The following PAFAH1B2 variants were observed in gnomAD, a reference collection of about 807,000 sequenced individuals.
The protein encoded by PAFAH1B2 is platelet activating factor acetylhydrolase 1b catalytic subunit 2, also known as platelet-activating factor acetylhydrolase IB subunit alpha2.
PAFAH1B2 carries 8 observed loss-of-function variants against 28.0 expected under a neutral mutation model. That is an observed-to-expected ratio of 0.29 (90% CI 0.17 to 0.52). The LOEUF is 0.52. Ranked by LOEUF, PAFAH1B2 falls within the 20% of genes least tolerant of loss-of-function variation. The probability of loss-of-function intolerance (pLI) is 0.97; values close to 1 mark genes in which losing one functional copy is unlikely to be tolerated. For missense variants in PAFAH1B2, 190 were observed against 282.6 expected, an observed-to-expected ratio of 0.67 and a Z score of 2.35; for synonymous variants, 104 against 103.2, an observed-to-expected ratio of 1.01 and a Z score of -0.05.
rs769780754 is a variant in PAFAH1B2 at position 117,163,825 on chromosome 11, C to T, written c.344C>T (p.Ala115Val). 1.2e-6 allele frequency: 2 copies of T among 1,613,868 alleles called. No individual in the cohort carries two copies. Among genetic ancestry groups the T allele is most frequent in the Non-Finnish European group, 1.7e-6 (2 of 1,179,830 alleles). The change falls in exon 5 of 6, where the codon GCA becomes GTA. Residue 115 changes from alanine to valine, a missense_variant. Transcript: ENST00000527958. ...CACGAAAATACAGCAGAAGAAGTAG[C>T]AGGTGGGATCGAGGCCATTGTACAA... is the stretch of plus-strand genomic sequence containing the variant. ...NNHENTAEEVAGGIEAIVQLI... is the reference protein window; with the variant it reads ...NNHENTAEEVVGGIEAIVQLI...
At chr11:117,175,417 A>T, downstream of PAFAH1B2, 5 of 1,069,228 alleles carry the variant, frequency 4.7e-6, no homozygotes, top group Non-Finnish European at 5.7e-6. Context: ...AGTTCTGCAG[A>T]CCTGGGAACA....
chr11:117,168,167 T>C lies in PAFAH1B2; in HGVS notation c.*468T>C, dbSNP rs746811035. ...TTTTGTTTTTATGTTGCTTAGATTC[T>C]TATGTATACTGAATATTTTATTAAC... On this transcript the variant is annotated 3_prime_UTR_variant, in exon 6 of 6. Coordinates refer to ENST00000527958, the MANE Select transcript of PAFAH1B2 (RefSeq NM_002572.4). The C allele has an allele frequency of 5.7e-6, 6 of 1,049,420 alleles. No homozygotes were observed. Among genetic ancestry groups the C allele is most frequent in the Non-Finnish European group, 6.9e-6 (6 of 866,886 alleles). 65.0% of individuals were successfully genotyped at this position (1,049,420 alleles called of 1,614,324 possible).
At chr11:117,171,419 C>G (rs1283558825), downstream of PAFAH1B2, among the ~76,000 whole-genome samples, 2 of 152,066 alleles carry the variant, frequency 1.3e-5, no homozygotes, top group Admixed American at 1.3e-4. Context: ...GCCTGTAATC[C>G]CAGCTACTCA....
chr11:117,175,213 A>T (rs953887027), downstream of PAFAH1B2: 1 of 1,101,014 alleles, frequency 9.1e-7, no homozygotes, highest in African/African-American at 1.6e-5. Context: ...CGGTAGCTGG[A>T]CCTGTGCACA....
At position 117,170,114 on chromosome 11, in the gene PAFAH1B2, A is replaced by G; in HGVS notation, c.*2415A>G. ...TTCATTTTTTGCCAGATTTCTTTGC[A>G]CTACTTTAGGTAAAAATAGTTAATC... On this transcript the variant is annotated 3_prime_UTR_variant, in exon 6 of 6. Coordinates refer to ENST00000527958, the MANE Select transcript of PAFAH1B2 (RefSeq NM_002572.4). The G allele has an allele frequency of 9.5e-7, 1 of 1,055,376 alleles. No individual in the cohort carries two copies. Among genetic ancestry groups the G allele is most frequent in the East Asian group, 5.3e-5 (1 of 18,770 alleles). 65.4% of individuals were successfully genotyped at this position (1,055,376 alleles called of 1,614,324 possible).
chr11:117,175,063 T>A (rs1354632252), downstream of PAFAH1B2: 2 of 1,303,648 alleles, frequency 1.5e-6, no homozygotes, highest in African/African-American at 3.1e-5. Flanking sequence ...AATGGTCCCA[T>A]TTCTTTGGTC....
In PAFAH1B2 at chr11:117,167,539, G is replaced by A. The variant is rs1399154290; in HGVS notation, c.530G>A (p.Gly177Glu). ...LANVQLLDTD[G>E]GFVHSDGAIS... Reference sequence around the variant, plus strand: ...AACGTGCAGCTCCTGGATACCGACGGGGGTTTTGTGCACTCGGACGGTGCC... The same window carrying A: ...AACGTGCAGCTCCTGGATACCGACGAGGGTTTTGTGCACTCGGACGGTGCC... Residue 177 changes from glycine (G) to glutamate (E), a missense_variant, in exon 6 of 6, where the codon GGG (glycine) becomes GAG (glutamate). By Grantham distance (98) the Gly-to-Glu change is moderately conservative (BLOSUM62 -2). Coordinates refer to ENST00000527958, the MANE Select transcript of PAFAH1B2 (RefSeq NM_002572.4). The A allele has an allele frequency of 6.2e-7, 1 of 1,613,074 alleles. No individual in the cohort carries two copies. The highest frequency in any genetic ancestry group is 8.5e-7 in the Non-Finnish European group (1 of 1,179,536).
rs184896079 is a variant in PAFAH1B2, at chr11:117,144,585, C to T, written c.-8+167C>T. Among the ~76,000 whole-genome samples the T allele has an allele frequency of 9.1e-3, 1,385 of 152,092 alleles. 26 individuals carry two copies. Among genetic ancestry groups the T allele is most frequent in the African/African-American group, 0.032 (1,315 of 41,506 alleles). The stretch of plus-strand genomic sequence containing the variant: ...GGGGGGCCTCGCGAGCGCGCGCCTT[C>T]TCTGCGGGCCCAGCGTCGGCTTCCC... On this transcript the variant is annotated intron_variant, in intron 1 of 5. Transcript: ENST00000527958.
chr11:117,154,126 AAG>A (rs1491072993), intron 2 of PAFAH1B2, among the ~76,000 whole-genome samples: 2 of 151,102 alleles, frequency 1.3e-5, no homozygotes, highest in African/African-American at 2.4e-5. Context: ...AAAGAAAAAA[AAG>A]AAGTATACCA....
At chr11:117,157,817 T>C (rs1220239094) in intron 2 of PAFAH1B2, among the ~76,000 whole-genome samples, 1 of 152,130 alleles carries the variant, frequency 6.6e-6, no homozygotes, top group Non-Finnish European at 1.5e-5. Flanking sequence ...TAGAGCACTG[T>C]ATAAATTTGT....
intron 1 of PAFAH1B2, among the ~76,000 whole-genome samples, chr11:117,149,158 C>T (rs1956084311): frequency 6.7e-6 from 1 of 149,484 alleles, no homozygotes; most frequent in African/African-American, 2.5e-5. Context: ...GTTAGGATTA[C>T]AGGCGTGAGC....
At position 117,167,407 on chromosome 11, in the gene PAFAH1B2, C is replaced by T. The variant is rs1290635712; in HGVS notation, c.412-14C>T. The T allele has an allele frequency of 6.5e-7, 1 of 1,545,758 alleles. No individual in the cohort carries two copies. Among genetic ancestry groups the T allele is most frequent in the East Asian group, 2.3e-5 (1 of 43,424 alleles). The stretch of plus-strand genomic sequence containing the variant: ...AGTGAATCTTCTAATTTAATGTTTT[C>T]CACTGTGCCCCAGGGTTTGTTACCT... On this transcript the variant is annotated splice_polypyrimidine_tract_variant and intron_variant, in intron 5 of 5. Transcript: ENST00000527958.
rs1228818458 is a variant in PAFAH1B2 at position 117,161,178 on chromosome 11, C to G, written c.205C>G (p.Leu69Val). 1 of 1,594,286 alleles carries G rather than the reference C, an allele frequency of 6.3e-7. No homozygotes were observed. The highest frequency in any genetic ancestry group is 8.5e-7 in the Non-Finnish European group (1 of 1,175,394). ...AGAGCTTTTTTCCCCACTTCATGCACTGAATTTTGGAATTGGGGGAGATAC... is the reference window on the plus strand; with the variant it reads ...AGAGCTTTTTTCCCCACTTCATGCAGTGAATTTTGGAATTGGGGGAGATAC... ...WRELFSPLHA[L>V]NFGIGGDTTR... Residue 69 changes from leucine (L) to valine (V), a missense_variant, in exon 4 of 6, where the codon CTG (leucine) becomes GTG (valine). Coordinates refer to ENST00000527958, the MANE Select transcript of PAFAH1B2 (RefSeq NM_002572.4).
chr11:117,169,441 A>C lies in PAFAH1B2; in HGVS notation c.*1742A>C. 1 of 1,052,964 alleles carries C rather than the reference A, an allele frequency of 9.5e-7. No homozygotes were observed. The highest frequency in any genetic ancestry group is 1.1e-6 in the Non-Finnish European group (1 of 871,862). 65.2% of individuals were successfully genotyped at this position (1,052,964 alleles called of 1,614,324 possible). A position where few individuals can be genotyped will look rare whatever the true frequency, so the allele number is the denominator to read the frequency against. Reference sequence around the variant, plus strand: ...TCTGCAGTGATTCCGCTTAATGTTTAAATTCAGTAACGTACTTGAAAGGCA... The same window carrying C: ...TCTGCAGTGATTCCGCTTAATGTTTCAATTCAGTAACGTACTTGAAAGGCA... On this transcript the variant is annotated 3_prime_UTR_variant, in exon 6 of 6. Coordinates refer to ENST00000527958, the MANE Select transcript of PAFAH1B2 (RefSeq NM_002572.4).
chr11:117,150,903 G>T (rs1196507319), intron 1 of PAFAH1B2, among the ~76,000 whole-genome samples: 1 of 151,516 alleles, frequency 6.6e-6, no homozygotes, highest in Non-Finnish European at 1.5e-5. Flanking sequence ...CAGGAGAATG[G>T]CGTGAACCCG....
In PAFAH1B2 at chr11:117,169,833, T is replaced by C. The variant is rs1451746101; in HGVS notation, c.*2134T>C. ...ACAGTTTTCTATCCACGTCTTTTTC[T>C]GTTTGTCAGAAGGTGGGAGTATGGT... On this transcript the variant is annotated 3_prime_UTR_variant, in exon 6 of 6. Transcript: ENST00000527958. The C allele has an allele frequency of 9.5e-7, 1 of 1,055,720 alleles. No homozygotes were observed. Among genetic ancestry groups the C allele is most frequent in the Non-Finnish European group, 1.1e-6 (1 of 873,274 alleles). The allele number at this position is 1,055,720 out of a possible 1,614,324, so 65.4% of individuals were successfully genotyped here.
chr11:117,144,707 C>T (rs557402576), intron 1 of PAFAH1B2, among the ~76,000 whole-genome samples: 5 of 152,248 alleles, frequency 3.3e-5, no homozygotes, highest in Admixed American at 3.3e-4. Context: ...GGCGCCTCCA[C>T]GGCCTTTCCC....
At chr11:117,176,077 T>C (rs1264142483) in exon 6 of PAFAH1B2, 3 of 748,874 alleles carry the variant, frequency 4.0e-6, no homozygotes, top group Non-Finnish European at 6.9e-6. Context: ...CTAGATGTGC[T>C]GGAAACAGTA....
At chr11:117,144,917 A>G (rs1053341399) in intron 1 of PAFAH1B2, among the ~76,000 whole-genome samples, 11 of 152,342 alleles carry the variant, frequency 7.2e-5, no homozygotes, top group Admixed American at 5.2e-4. Flanking sequence ...GTCGGAGGCC[A>G]AAACCAGTTA....
Sources: gnomAD v4.1 joint callset for allele counts (sites outside exome capture counted in the v4.1 genomes callset) on GRCh38, gnomAD v4.1.1 for gene constraint, MANE v1.5 for transcripts, NCBI Gene and HGNC (gene_info 2026-07-23, HGNC 2026-07-21) for gene names.